NTM: variants seen among roughly 807,000 people sequenced by gnomAD.
The protein encoded by NTM is neurotrimin.
In NTM, 13 loss-of-function variants were observed where a neutral mutation model predicts 42.1. The observed-to-expected ratio is 0.31, with a 90% CI of 0.20 to 0.49. NTM has a LOEUF of 0.49. NTM is among the 20% of genes least tolerant of loss of function. The pLI is 0.99. For synonymous variants in NTM, 187 were observed against 179.2 expected (o/e 1.04, Z -0.35); for missense variants, 373 against 452.8 (o/e 0.82, Z 1.60).
chr11:132,230,110 G>A (rs911183526), intron 4 of NTM, among the ~76,000 whole-genome samples: 6 of 152,210 alleles, frequency 3.9e-5, no homozygotes, highest in Non-Finnish European at 5.9e-5. Context: ...TGGCCTGTGA[G>A]AAAGTACAGC....
chr11:131,505,804 G>T (rs1452056808), intron 1 of NTM, among the ~76,000 whole-genome samples: 1 of 152,218 alleles, frequency 6.6e-6, no homozygotes, highest in African/African-American at 2.4e-5. Context: ...TCCTTCCCCA[G>T]AAGGAAGTGC....
intron 3 of NTM, among the ~76,000 whole-genome samples, chr11:132,202,507 G>A (rs2081313908): frequency 6.6e-6 from 1 of 152,140 alleles, no homozygotes; most frequent in African/African-American, 2.4e-5. Context: ...TGTCTGGATG[G>A]CAGGTCCACA....
At chr11:131,668,288 CTATCTGTA>C (rs1403537422) in intron 1 of NTM, among the ~76,000 whole-genome samples, 1 of 151,402 alleles carries the variant, frequency 6.6e-6, no homozygotes, top group Non-Finnish European at 1.5e-5. Flanking sequence ...ATCTATCTAT[CTATCTGTA>C]AATAAATATC....
intron 2 of NTM, among the ~76,000 whole-genome samples, chr11:131,953,218 T>C (rs1427424423): frequency 6.6e-6 from 1 of 152,132 alleles, no homozygotes; most frequent in African/African-American, 2.4e-5. Context: ...ACAATAAACA[T>C]GAACAATGAG....
intron 4 of NTM, among the ~76,000 whole-genome samples, chr11:132,264,860 T>C (rs991351934): frequency 1.3e-5 from 2 of 152,200 alleles, no homozygotes; most frequent in African/African-American, 2.4e-5. Flanking sequence ...TGCCCTCTCA[T>C]GGAAAGGGCA....
chr11:131,548,104 A>G (rs1157745199), intron 1 of NTM, among the ~76,000 whole-genome samples: 1 of 152,242 alleles, frequency 6.6e-6, no homozygotes, highest in African/African-American at 2.4e-5. Flanking sequence ...TGAAATAGGG[A>G]TAATAATACT....
intron 2 of NTM, among the ~76,000 whole-genome samples, chr11:131,920,896 C>T (rs1223815038): frequency 1.3e-5 from 2 of 152,148 alleles, no homozygotes; most frequent in Non-Finnish European, 2.9e-5. Context: ...GTTTCTTAAT[C>T]TTCTGTGCTT....
chr11:131,432,573 G>A (rs1421706619), intron 1 of NTM, among the ~76,000 whole-genome samples: 1 of 152,030 alleles, frequency 6.6e-6, no homozygotes, highest in African/African-American at 2.4e-5. Context: ...CGGGGACTAG[G>A]GGTCAGAGGA....
intron 1 of NTM, among the ~76,000 whole-genome samples, chr11:131,894,025 T>C (rs915442089): frequency 2.0e-5 from 3 of 152,162 alleles, no homozygotes; most frequent in East Asian, 1.9e-4. Flanking sequence ...TTAGCTTCTT[T>C]TGTGGGAGGC....
chr11:132,328,701 C>T (rs2095738108), intron 7 of NTM, among the ~76,000 whole-genome samples: 1 of 152,096 alleles, frequency 6.6e-6, no homozygotes, highest in Non-Finnish European at 1.5e-5. Flanking sequence ...ACTTTATCTC[C>T]CCAAGTCTGT....
chr11:131,997,319 T>G (rs1318306051), intron 2 of NTM, among the ~76,000 whole-genome samples: 1 of 152,318 alleles, frequency 6.6e-6, no homozygotes, highest in East Asian at 1.9e-4. Context: ...ACTGCATCAT[T>G]CCTGTTCCTC....
At chr11:132,222,693 G>T (rs894798459) in intron 4 of NTM, among the ~76,000 whole-genome samples, 4 of 152,218 alleles carry the variant, frequency 2.6e-5, no homozygotes, top group Admixed American at 2.0e-4. Flanking sequence ...CCCCTTCCCT[G>T]GGAGGCTCAT....
intron 1 of NTM, among the ~76,000 whole-genome samples, chr11:131,621,691 C>T (rs1470833589): frequency 1.3e-5 from 2 of 150,214 alleles, no homozygotes; most frequent in Non-Finnish European, 3.0e-5. Flanking sequence ...GCATGGTGGC[C>T]TGTGCCTGTA....
chr11:132,229,966 T>C (rs1269681086), intron 4 of NTM, among the ~76,000 whole-genome samples: 1 of 152,246 alleles, frequency 6.6e-6, no homozygotes, highest in Non-Finnish European at 1.5e-5. Context: ...CTTCCTTCCA[T>C]GGCAACTGCC....
chr11:131,518,368 C>T (rs955661785), intron 1 of NTM, among the ~76,000 whole-genome samples: 11 of 152,176 alleles, frequency 7.2e-5, no homozygotes, highest in African/African-American at 2.4e-4. Flanking sequence ...GCAGGAAGTC[C>T]TCATTCTGCA....
intron 1 of NTM, among the ~76,000 whole-genome samples, chr11:131,895,435 C>G (rs1242938784): frequency 6.6e-6 from 1 of 152,136 alleles, no homozygotes; most frequent in Non-Finnish European, 1.5e-5. Context: ...TTCTCAATCA[C>G]TGAGAGGTCA....
chr11:131,648,178 G>A (rs2066008191), intron 1 of NTM, among the ~76,000 whole-genome samples: 1 of 152,150 alleles, frequency 6.6e-6, no homozygotes, highest in African/African-American at 2.4e-5. Context: ...TTGCCGCAAA[G>A]GATGGGATTT....
intron 2 of NTM, among the ~76,000 whole-genome samples, chr11:132,022,948 G>A (rs746390171): frequency 7.2e-5 from 11 of 152,164 alleles, no homozygotes; most frequent in Non-Finnish European, 1.3e-4. Context: ...TGTGATAAAT[G>A]TTACTGTCTC....
At chr11:132,203,341 TTTC>T (rs2138506527) in intron 3 of NTM, among the ~76,000 whole-genome samples, 1 of 152,294 alleles carries the variant, frequency 6.6e-6, no homozygotes, top group South Asian at 2.1e-4. Flanking sequence ...TAAAAAGTGA[TTTC>T]TTAACATTTT....
Sources: gnomAD v4.1 joint callset for allele counts (sites outside exome capture counted in the v4.1 genomes callset) on GRCh38, gnomAD v4.1.1 for gene constraint, MANE v1.5 for transcripts, NCBI Gene and HGNC (gene_info 2026-07-23, HGNC 2026-07-21) for gene names.